Variants in JARID2 observed in about 807,000 individuals in gnomAD.
The protein encoded by JARID2 is jumonji and AT-rich interaction domain containing 2, also known as protein Jumonji.
JARID2 carries 21 observed loss-of-function variants against 125.6 expected under a neutral mutation model. The observed-to-expected ratio is 0.17, with a 90% CI of 0.12 to 0.24. The LOEUF (loss-of-function observed/expected upper bound fraction) is 0.24, where lower values mean the gene tolerates loss of function less well. JARID2 is among the 10% of genes least tolerant of loss of function. JARID2 has a pLI of 1.00. For synonymous variants in JARID2, 736 were observed against 661.6 expected (o/e 1.11, Z -1.73); for missense variants, 1,303 against 1,639.6 (o/e 0.79, Z 3.55).
At chr6:15,497,301 G>A (rs1379406156) in intron 7 of JARID2, 131 bp downstream of exon 7, 1 of 717,820 alleles carries the variant, frequency 1.4e-6, no homozygotes, top group East Asian at 2.8e-5. Context: ...CGGGAGTAGT[G>A]GGCTTCTCAG....
chr6:15,281,315 T>C (rs1581362623), intron 1 of JARID2, among the ~76,000 whole-genome samples: 1 of 152,242 alleles, frequency 6.6e-6, no homozygotes, highest in East Asian at 1.9e-4. Context: ...TTACTGCAGT[T>C]TAATTCATGT....
chr6:15,311,592 A>G (rs1249051457), intron 1 of JARID2, among the ~76,000 whole-genome samples: 1 of 152,170 alleles, frequency 6.6e-6, no homozygotes, highest in East Asian at 1.9e-4. Flanking sequence ...AAAGAAAGAA[A>G]AAGAAAAAGT....
chr6:15,308,461 G>A (rs988157324), intron 1 of JARID2, among the ~76,000 whole-genome samples: 2 of 152,122 alleles, frequency 1.3e-5, no homozygotes, highest in African/African-American at 4.8e-5. Context: ...AAGCCTAAAT[G>A]TAATGCTTTC....
At position 15,507,259 on chromosome 6, in the gene JARID2, C is replaced by A. The variant is rs1261456909; in HGVS notation, c.2660+5C>A. 9.3e-6 allele frequency: 15 copies of A among 1,609,054 alleles called. No homozygotes were observed. The highest frequency in any genetic ancestry group is 3.3e-4 in the Middle Eastern group (2 of 6,074). On this transcript the variant is annotated splice_donor_5th_base_variant and intron_variant, in intron 10 of 17. Transcript: ENST00000341776. The stretch of plus-strand genomic sequence containing the variant: ...AAAATCAGAACCCTTTTCGAGGTAA[C>A]CTGGGATTCTCTCGTCCAGGTTCTT...
At chr6:15,416,652 C>T (rs867084408) in intron 3 of JARID2, among the ~76,000 whole-genome samples, 8 of 141,844 alleles carry the variant, frequency 5.6e-5, no homozygotes, top group Non-Finnish European at 1.0e-4. Flanking sequence ...AGTCCAGCTT[C>T]GGCTTGGCAT....
chr6:15,331,872 TTAAAA>T (rs567193181), intron 1 of JARID2, among the ~76,000 whole-genome samples: 40 of 152,314 alleles, frequency 2.6e-4, no homozygotes, highest in African/African-American at 8.9e-4. Context: ...CTGTGGTTTC[TTAAAA>T]TAAACAGGTG....
intron 5 of JARID2, among the ~76,000 whole-genome samples, chr6:15,477,704 ATC>A (rs1769417087): frequency 6.6e-6 from 1 of 152,104 alleles, no homozygotes; most frequent in African/African-American, 2.4e-5. Context: ...TAGTTTTCTT[ATC>A]TCTGAAGAAG....
rs997117999 is a variant in JARID2, at chr6:15,476,263, C to G, written c.670+7545C>G. Among the ~76,000 whole-genome samples the G allele has an allele frequency of 5.9e-5, 9 of 152,324 alleles. No individual in the cohort carries two copies. The South Asian group carries it at 1.9e-3, about 32-fold the overall frequency. On this transcript the variant is annotated intron_variant, in intron 5 of 17. Coordinates refer to ENST00000341776, the MANE Select transcript of JARID2 (RefSeq NM_004973.4). ...TTTATTTCAGCAGCTAGCTGAAGAA[C>G]CTAGAACCCAGACTGCCAGGGGTGT... is the stretch of plus-strand genomic sequence containing the variant.
intron 2 of JARID2, among the ~76,000 whole-genome samples, chr6:15,387,281 C>T (rs895838326): frequency 5.9e-5 from 9 of 152,122 alleles, no homozygotes; most frequent in Admixed American, 1.3e-4. Flanking sequence ...CATATTCTTG[C>T]GGCTGTGGTG....
intron 2 of JARID2, among the ~76,000 whole-genome samples, chr6:15,386,616 C>T (rs999263640): frequency 1.3e-5 from 2 of 152,228 alleles, no homozygotes; most frequent in African/African-American, 2.4e-5. Flanking sequence ...GCCACTTCGC[C>T]TGGCCGGTTG....
chr6:15,372,373 T>G (rs1389752897), intron 1 of JARID2, among the ~76,000 whole-genome samples: 1 of 152,042 alleles, frequency 6.6e-6, no homozygotes, highest in Non-Finnish European at 1.5e-5. Flanking sequence ...ATTATTATTA[T>G]TTTTAGACAG....
chr6:15,327,005 G>T (rs1762553425), intron 1 of JARID2, among the ~76,000 whole-genome samples: 1 of 152,150 alleles, frequency 6.6e-6, no homozygotes, highest in Non-Finnish European at 1.5e-5. Context: ...TTGAGGAAAT[G>T]AGGTCACTTG....
intron 3 of JARID2, among the ~76,000 whole-genome samples, chr6:15,449,874 A>G (rs1210659525): frequency 1.3e-5 from 2 of 152,284 alleles, no homozygotes; most frequent in East Asian, 1.9e-4. Flanking sequence ...CTTAGGACAT[A>G]CAAGGGAATT....
At chr6:15,463,331 T>A (rs1768544263) in intron 4 of JARID2, among the ~76,000 whole-genome samples, 1 of 152,140 alleles carries the variant, frequency 6.6e-6, no homozygotes, top group African/African-American at 2.4e-5. Flanking sequence ...TCAGCCTCTC[T>A]CACTTGCTAA....
chr6:15,402,675 G>A (rs1305668934), intron 2 of JARID2, among the ~76,000 whole-genome samples: 3 of 152,290 alleles, frequency 2.0e-5, no homozygotes, highest in Admixed American at 2.0e-4. Flanking sequence ...GCCCACTGTC[G>A]CCTTGAGTCA....
chr6:15,469,867 G>T (rs1039677903), intron 5 of JARID2, among the ~76,000 whole-genome samples: 1 of 152,072 alleles, frequency 6.6e-6, no homozygotes, highest in Non-Finnish European at 1.5e-5. Context: ...TGCACTGAGT[G>T]GGGGAATGAG....
chr6:15,254,030 C>T (rs1759558007), intron 1 of JARID2, among the ~76,000 whole-genome samples: 1 of 152,150 alleles, frequency 6.6e-6, no homozygotes, highest in Non-Finnish European at 1.5e-5. Flanking sequence ...TGTTGGCAGC[C>T]TTTGGAGAGG....
At chr6:15,481,066 T>G (rs947260545) in intron 5 of JARID2, among the ~76,000 whole-genome samples, 18 of 152,380 alleles carry the variant, frequency 1.2e-4, no homozygotes, top group Middle Eastern at 3.4e-3. Context: ...CTAAAGTAAC[T>G]TCTTTTGCCC....
rs542410172 is a variant in JARID2, at chr6:15,318,214, A to G, written c.46-55903A>G. Among the ~76,000 whole-genome samples the G allele has an allele frequency of 1.6e-3, 233 of 150,058 alleles. 1 individual carries two copies. The highest frequency in any genetic ancestry group is 3.1e-3 in the Admixed American group (47 of 15,084). The stretch of plus-strand genomic sequence containing the variant: ...TTACAAGAGCAAAACTCCGTTTCCA[A>G]AAAAAAAAAGATTAAACAAATAGGA... On this transcript the variant is annotated intron_variant, in intron 1 of 17. Coordinates refer to ENST00000341776, the MANE Select transcript of JARID2 (RefSeq NM_004973.4).
Sources: allele counts gnomAD v4.1 joint callset (sites outside exome capture counted in the v4.1 genomes callset), GRCh38; gene constraint gnomAD v4.1.1; transcripts MANE v1.5; gene names NCBI Gene and HGNC (gene_info 2026-07-23, HGNC 2026-07-21).